SLC16A10: variants seen among roughly 807,000 people sequenced by gnomAD.
The protein encoded by SLC16A10 is solute carrier family 16 member 10, also known as monocarboxylate transporter 10.
SLC16A10 carries 27 observed loss-of-function variants against 40.0 expected under a neutral mutation model. The observed-to-expected ratio is 0.67, with a 90% CI of 0.50 to 0.93. The LOEUF (loss-of-function observed/expected upper bound fraction) is 0.93, where lower values mean the gene tolerates loss of function less well. Among genes scored for constraint, SLC16A10 ranks in the 40% least tolerant of loss-of-function variants. The pLI is 0.00. For missense variants in SLC16A10, 529 were observed against 658.2 expected (o/e 0.80, Z 2.15); for synonymous variants, 213 against 249.8 (o/e 0.85, Z 1.39).
At chr6:111,162,666 A>G (rs1270447160) in intron 1 of SLC16A10, among the ~76,000 whole-genome samples, 1 of 152,210 alleles carries the variant, frequency 6.6e-6, no homozygotes, top group Non-Finnish European at 1.5e-5. Flanking sequence ...ACTCACAAAT[A>G]GTTTCCAAGT....
intron 4 of SLC16A10, among the ~76,000 whole-genome samples, chr6:111,214,902 G>A (rs550084640): frequency 2.0e-5 from 3 of 152,096 alleles, no homozygotes; most frequent in Non-Finnish European, 2.9e-5. Flanking sequence ...GGCAGATCAC[G>A]AGGTCAAGAG....
At chr6:111,182,739 A>G (rs533448663) in intron 3 of SLC16A10, among the ~76,000 whole-genome samples, 1 of 152,254 alleles carries the variant, frequency 6.6e-6, no homozygotes, top group East Asian at 1.9e-4. Flanking sequence ...GCCCCCAGCC[A>G]TCCTCATCTC....
At chr6:111,128,043 G>A (rs1441259121) in intron 1 of SLC16A10, among the ~76,000 whole-genome samples, 5 of 152,120 alleles carry the variant, frequency 3.3e-5, no homozygotes, top group Non-Finnish European at 4.4e-5. Flanking sequence ...GCTTTAGACT[G>A]TTAGTAGCTT....
intron 3 of SLC16A10, among the ~76,000 whole-genome samples, chr6:111,198,353 C>A (rs542178022): frequency 6.6e-6 from 1 of 152,252 alleles, no homozygotes; most frequent in African/African-American, 2.4e-5. Context: ...TTGTTGGGTG[C>A]ATTTGTTCAC....
chr6:111,147,991 GTA>G (rs1772109342), intron 1 of SLC16A10, among the ~76,000 whole-genome samples: 1 of 152,100 alleles, frequency 6.6e-6, no homozygotes, highest in Non-Finnish European at 1.5e-5. Flanking sequence ...GATCATCAGT[GTA>G]CCTTCCCACT....
intron 1 of SLC16A10, among the ~76,000 whole-genome samples, chr6:111,143,769 C>T (rs1772026052): frequency 1.3e-5 from 2 of 152,196 alleles, no homozygotes; most frequent in Non-Finnish European, 1.5e-5. Context: ...GGTGGACACA[C>T]GTTGTATATT....
intron 1 of SLC16A10, among the ~76,000 whole-genome samples, chr6:111,135,456 C>T (rs1227687766): frequency 6.6e-6 from 1 of 152,142 alleles, no homozygotes; most frequent in African/African-American, 2.4e-5. Flanking sequence ...TGCAAGATCT[C>T]AGGATTATCA....
chr6:111,138,656 T>C (rs1200108390), intron 1 of SLC16A10, among the ~76,000 whole-genome samples: 2 of 152,168 alleles, frequency 1.3e-5, no homozygotes, highest in African/African-American at 4.8e-5. Flanking sequence ...CTTTTTTTTT[T>C]TCTTTTTTTT....
intron 1 of SLC16A10, among the ~76,000 whole-genome samples, chr6:111,137,226 C>T (rs748034944): frequency 5.9e-5 from 9 of 152,156 alleles, no homozygotes; most frequent in Non-Finnish European, 8.8e-5. Context: ...CTCATGAGGA[C>T]GTAGTTTCCT....
chr6:111,108,417 A>G (rs1430734092), intron 1 of SLC16A10, among the ~76,000 whole-genome samples: 1 of 152,210 alleles, frequency 6.6e-6, no homozygotes, highest in East Asian at 1.9e-4. Flanking sequence ...TTAATAATGT[A>G]AAAAGGACTG....
chr6:111,143,354 G>A (rs1772018341), intron 1 of SLC16A10, among the ~76,000 whole-genome samples: 1 of 151,672 alleles, frequency 6.6e-6, no homozygotes, highest in African/African-American at 2.4e-5. Context: ...GGGATTATAA[G>A]TGTGAGCCAC....
chr6:111,175,062 A>G (rs558237644), intron 2 of SLC16A10, among the ~76,000 whole-genome samples: 9 of 152,190 alleles, frequency 5.9e-5, no homozygotes, highest in Non-Finnish European at 2.9e-5. Flanking sequence ...GCAAGGGGAA[A>G]TGTGGTATAG....
rs76397472 is a variant in SLC16A10, at chr6:111,166,806, T to A, written c.344-5889T>A. The stretch of plus-strand genomic sequence containing the variant: ...TTGTCATACATTTAGAGCCTTGGGA[T>A]TTTTTCTCAGAATGGAGTAGGAAAC... On this transcript the variant is annotated intron_variant, in intron 1 of 5. Transcript: ENST00000368851. Among the ~76,000 whole-genome samples, 206 of 152,302 alleles carry A rather than the reference T, an allele frequency of 1.4e-3. 6 individuals are homozygous for A. The East Asian group carries it at 0.038, about 28-fold the overall frequency.
Position 111,206,723 on chromosome 6 carries a change from G to A in SLC16A10, c.1074G>A (p.Lys358=), listed in dbSNP as rs1773260708. ...RIADYVPGVK[K]VYLQVLSFFF... is the part of the protein sequence containing the mutation. Reference sequence around the variant, plus strand: ...CAGATTATGTGCCTGGTGTGAAGAAGGTTTATCTACAGGTACTTTTTTACA... The same window carrying A: ...CAGATTATGTGCCTGGTGTGAAGAAAGTTTATCTACAGGTACTTTTTTACA... The change falls in exon 4 of 6, where the codon AAG becomes AAA. Residue 358 remains lysine (K), a synonymous_variant. Coordinates refer to ENST00000368851, the MANE Select transcript of SLC16A10 (RefSeq NM_018593.5). 1.2e-6 allele frequency: 2 copies of A among 1,613,866 alleles called. No individual in the cohort carries two copies. The highest frequency in any genetic ancestry group is 2.2e-5 in the East Asian group (1 of 44,878).
intron 1 of SLC16A10, among the ~76,000 whole-genome samples, chr6:111,131,907 G>A (rs954194474): frequency 1.3e-5 from 2 of 152,212 alleles, no homozygotes; most frequent in African/African-American, 2.4e-5. Context: ...GCTTGAAAGT[G>A]TAGCCCCAAA....
chr6:111,124,956 CTT>C (rs1431495952), intron 1 of SLC16A10, among the ~76,000 whole-genome samples: 2 of 152,096 alleles, frequency 1.3e-5, no homozygotes, highest in Non-Finnish European at 2.9e-5. Flanking sequence ...ATTAGTAAGA[CTT>C]TGAATCATTA....
chr6:111,107,242 G>A (rs1025080468), intron 1 of SLC16A10, among the ~76,000 whole-genome samples: 6 of 152,158 alleles, frequency 3.9e-5, no homozygotes, highest in African/African-American at 1.4e-4. Flanking sequence ...GTTACAACAT[G>A]TCTGAACTTG....
intron 1 of SLC16A10, among the ~76,000 whole-genome samples, chr6:111,105,142 A>C (rs1182756769): frequency 4.6e-5 from 7 of 152,048 alleles, no homozygotes; most frequent in Non-Finnish European, 5.9e-5. Flanking sequence ...TGTAAGTCTT[A>C]TTTTTAAGAT....
intron 2 of SLC16A10, 77 bp downstream of exon 2, chr6:111,172,916 A>T: frequency 6.6e-7 from 1 of 1,510,978 alleles, no homozygotes; most frequent in Non-Finnish European, 9.0e-7. Flanking sequence ...AAACTATGCT[A>T]TTTACAAGCA....
Sources: allele counts gnomAD v4.1 joint callset (sites outside exome capture counted in the v4.1 genomes callset), GRCh38; gene constraint gnomAD v4.1.1; transcripts MANE v1.5; gene names NCBI Gene and HGNC (gene_info 2026-07-23, HGNC 2026-07-21).